Variants in HLA-DRB1 observed in about 807,000 individuals in gnomAD.
HLA-DRB1 encodes the protein major histocompatibility complex, class II, DR beta 1, also known as major histocompatibility complex, class II, DR beta 1 precursor.
In HLA-DRB1, 10 loss-of-function variants were observed where a neutral mutation model predicts 27.9. That is an observed-to-expected ratio of 0.36 (90% CI 0.22 to 0.61). HLA-DRB1 has a LOEUF of 0.61. HLA-DRB1 is among the 20% of genes least tolerant of loss of function. The pLI is 0.73. For synonymous variants in HLA-DRB1, 57 were observed against 126.7 expected (o/e 0.45, Z 3.69); for missense variants, 118 against 306.3 (o/e 0.39, Z 4.59).
chr6:32,584,363 TGCC>T lies in HLA-DRB1; in HGVS notation c.113_115del (p.Trp38_Gln39delinsTer), dbSNP rs774455138. The T allele has an allele frequency of 3.8e-6, 3 of 790,428 alleles. No individual in the cohort carries two copies. The African/African-American group carries it at 7.1e-5, about 19-fold the overall frequency. The allele number at this position is 790,428 out of a possible 1,614,324, so 49.0% of individuals were successfully genotyped here. Reference sequence around the variant, plus strand: ...GAAGAAATGACACTCCCTCTTAGGCTGCCACAGGAAACGTGCTGTGGGGACACG... The same window carrying T: ...GAAGAAATGACACTCCCTCTTAGGCTACAGGAAACGTGCTGTGGGGACACG... On this transcript the variant is annotated stop_gained and inframe_deletion, in exon 2 of 6. Transcript: ENST00000360004. LOFTEE classifies it high-confidence loss of function.
intron 1 of HLA-DRB1, among the ~76,000 whole-genome samples, chr6:32,586,397 A>G (rs9270076): frequency 0.7 from 47,384 of 67,916 alleles, 20,133 homozygotes; most frequent in Admixed American, 0.76. Context: ...TTGCTTCTCT[A>G]TCATATTCTC....
At chr6:32,585,402 A>T (rs1776253887) in intron 1 of HLA-DRB1, among the ~76,000 whole-genome samples, 1 of 139,608 alleles carries the variant, frequency 7.2e-6, no homozygotes, top group South Asian at 2.5e-4. Context: ...ACCAACCATA[A>T]GCCTTTTTGT....
chr6:32,588,929 T>TC (rs1383400026), intron 1 of HLA-DRB1, among the ~76,000 whole-genome samples: 1 of 115,852 alleles, frequency 8.6e-6, no homozygotes. Flanking sequence ...GGCTAGTTTT[T>TC]CAGAGGATGC....
intron 1 of HLA-DRB1, among the ~76,000 whole-genome samples, chr6:32,584,744 A>C: frequency 3.1e-5 from 2 of 64,628 alleles, no homozygotes. Flanking sequence ...CACACGCTTT[A>C]CCGGTACCTT....
chr6:32,586,484 T>G (rs9270083), intron 1 of HLA-DRB1, among the ~76,000 whole-genome samples: 83 of 85,940 alleles, frequency 9.7e-4, no homozygotes, highest in East Asian at 3.6e-3. Flanking sequence ...TTTCCTGGAC[T>G]TACACACATG....
intron 4 of HLA-DRB1, among the ~76,000 whole-genome samples, chr6:32,580,535 C>G (rs12110879): frequency 0.023 from 2,478 of 108,204 alleles, 68 homozygotes; most frequent in East Asian, 0.076. Context: ...TACTTGTTAA[C>G]CTTCCTCTCG....
At chr6:32,582,725 T>G (rs41283744) in intron 2 of HLA-DRB1, among the ~76,000 whole-genome samples, 22,141 of 80,110 alleles carry the variant, frequency 0.28, 4,569 homozygotes, top group Middle Eastern at 0.41. Flanking sequence ...AACACAAGCA[T>G]AATTATTATT....
At chr6:32,585,346 G>A (rs1238570366) in intron 1 of HLA-DRB1, among the ~76,000 whole-genome samples, 1 of 81,698 alleles carries the variant, frequency 1.2e-5, no homozygotes, top group African/African-American at 4.9e-5. Flanking sequence ...TCTATAATCA[G>A]AAAACCTGAA....
chr6:32,589,429 G>GGCCT (rs1777026443), intron 1 of HLA-DRB1, among the ~76,000 whole-genome samples: 1 of 85,512 alleles, frequency 1.2e-5, no homozygotes, highest in Non-Finnish European at 2.3e-5. Context: ...GAAAAGAAAT[G>GGCCT]ATTTGTGCAA....
At chr6:32,587,908 A>C (rs9270171) in intron 1 of HLA-DRB1, among the ~76,000 whole-genome samples, 75,805 of 133,992 alleles carry the variant, frequency 0.57, 17,353 homozygotes, top group Middle Eastern at 0.69. Context: ...GAGCCCAGTA[A>C]AGAGTAGCTG....
intron 2 of HLA-DRB1, among the ~76,000 whole-genome samples, chr6:32,583,481 TGA>T (rs9279732): frequency 2.5e-4 from 13 of 52,652 alleles, no homozygotes; most frequent in South Asian, 6.2e-4. Context: ...ATATACACAC[TGA>T]AAAAAACAAA....
At chr6:32,587,700 G>A (rs17203671) in intron 1 of HLA-DRB1, among the ~76,000 whole-genome samples, 32,703 of 94,556 alleles carry the variant, frequency 0.35, 7,024 homozygotes, top group Middle Eastern at 0.56. Context: ...CCTAACATAT[G>A]AACTAAAGTA....
intron 1 of HLA-DRB1, among the ~76,000 whole-genome samples, chr6:32,589,400 G>T (rs199744136): frequency 0.021 from 2,501 of 119,176 alleles, 3 homozygotes; most frequent in South Asian, 0.048. Flanking sequence ...TGATGCAAAG[G>T]TTTTATTGGT....
At chr6:32,582,057 T>C (rs1775614331) in intron 2 of HLA-DRB1, among the ~76,000 whole-genome samples, 1 of 100,400 alleles carries the variant, frequency 1.0e-5, no homozygotes, top group Admixed American at 1.1e-4. Context: ...TGTTTGTTTC[T>C]TCATAGTTTT....
chr6:32,580,960 C>T (rs36111640), intron 3 of HLA-DRB1, 104 bp from the exon 4 acceptor site: 7 of 762,146 alleles, frequency 9.2e-6, no homozygotes, highest in African/African-American at 2.1e-5. Flanking sequence ...AGCTGCCTCA[C>T]AAGAACTAAA....
At chr6:32,582,714 C>T (rs34350660) in intron 2 of HLA-DRB1, among the ~76,000 whole-genome samples, 16,283 of 81,784 alleles carry the variant, frequency 0.2, 3,705 homozygotes, top group Admixed American at 0.22. Flanking sequence ...ATCTCCCGTG[C>T]AACACAAGCA....
chr6:32,587,296 C>T (rs34197017), intron 1 of HLA-DRB1, among the ~76,000 whole-genome samples: 18,939 of 56,054 alleles, frequency 0.34, 8,310 homozygotes, highest in Non-Finnish European at 0.37. Flanking sequence ...GCAGGAGAAT[C>T]GCTTGAACCC....
intron 1 of HLA-DRB1, among the ~76,000 whole-genome samples, chr6:32,588,167 C>T (rs35773267): frequency 0.31 from 42,713 of 138,610 alleles, 4,003 homozygotes; most frequent in Non-Finnish European, 0.34. Flanking sequence ...TAAGAGTCAT[C>T]TCTTTTGCCT....
intron 2 of HLA-DRB1, among the ~76,000 whole-genome samples, chr6:32,582,199 T>G (rs1449898800): frequency 4.9e-5 from 2 of 40,408 alleles, no homozygotes; most frequent in African/African-American, 1.1e-4. Context: ...CCTGGAAGAG[T>G]TTTTTGATTC....
Sources: gnomAD v4.1 joint callset for allele counts (sites outside exome capture counted in the v4.1 genomes callset) on GRCh38, gnomAD v4.1.1 for gene constraint, MANE v1.5 for transcripts, NCBI Gene and HGNC (gene_info 2026-07-23, HGNC 2026-07-21) for gene names.